The following STAG1 variants were observed in gnomAD, a reference collection of about 807,000 sequenced individuals.
STAG1 encodes cohesin subunit SA-1.
STAG1 carries 26 observed loss-of-function variants against 170.9 expected under a neutral mutation model. The ratio of observed to expected loss-of-function variants is 0.15; its 90% CI spans 0.11 to 0.21. STAG1 has a LOEUF of 0.21. Among genes scored for constraint, STAG1 ranks in the 10% least tolerant of loss-of-function variants. STAG1 has a pLI of 1.00. For missense variants in STAG1, 964 were observed against 1,509.5 expected, an observed-to-expected ratio of 0.64 and a Z score of 5.99; for synonymous variants, 514 against 497.7, an observed-to-expected ratio of 1.03 and a Z score of -0.44.
chr3:136,577,530 G>C (rs1230566758), intron 4 of STAG1, among the ~76,000 whole-genome samples: 1 of 152,148 alleles, frequency 6.6e-6, no homozygotes, highest in African/African-American at 2.4e-5. Context: ...ACCAGTGGAA[G>C]TAGCTTGCTT....
At chr3:136,746,855 CG>C (rs1934959650) in intron 1 of STAG1, among the ~76,000 whole-genome samples, 1 of 151,308 alleles carries the variant, frequency 6.6e-6, no homozygotes, top group Non-Finnish European at 1.5e-5. Flanking sequence ...CCAGCACTTT[CG>C]GAGGCCGAGG....
At chr3:136,521,469 G>T in intron 6 of STAG1, 52 bp from the exon 7 acceptor site, 1 of 1,539,136 alleles carries the variant, frequency 6.5e-7, no homozygotes, top group Non-Finnish European at 8.9e-7. Flanking sequence ...AGAGTTTGAT[G>T]AAAGCTTTTT....
chr3:136,738,669 A>T (rs909778768), intron 1 of STAG1, among the ~76,000 whole-genome samples: 1 of 152,176 alleles, frequency 6.6e-6, no homozygotes, highest in Non-Finnish European at 1.5e-5. Context: ...CTCCCCCAAA[A>T]AAAGTATACA....
chr3:136,668,867 C>T (rs1941896241), intron 1 of STAG1, among the ~76,000 whole-genome samples: 1 of 152,192 alleles, frequency 6.6e-6, no homozygotes, highest in African/African-American at 2.4e-5. Flanking sequence ...AAGCAAAACA[C>T]TTCCAGAACT....
chr3:136,647,754 G>A (rs1941082986), intron 1 of STAG1, among the ~76,000 whole-genome samples: 1 of 152,066 alleles, frequency 6.6e-6, no homozygotes, highest in African/African-American at 2.4e-5. Flanking sequence ...TCGTATACAT[G>A]TTAGGCACTA....
chr3:136,367,965 T>C (rs1359471746), intron 24 of STAG1, among the ~76,000 whole-genome samples: 2 of 152,192 alleles, frequency 1.3e-5, no homozygotes, highest in African/African-American at 4.8e-5. Context: ...TGTCCTGGCC[T>C]GTCCTTATTT....
intron 13 of STAG1, among the ~76,000 whole-genome samples, chr3:136,455,831 C>A (rs1485680481): frequency 6.6e-6 from 1 of 152,166 alleles, no homozygotes; most frequent in African/African-American, 2.4e-5. Context: ...TTAAGGATTT[C>A]CCAGGTTGGG....
chr3:136,678,282 TAG>T (rs930982511), intron 1 of STAG1, among the ~76,000 whole-genome samples: 41 of 151,580 alleles, frequency 2.7e-4, no homozygotes, highest in African/African-American at 8.7e-4. Flanking sequence ...CAGTGCATAT[TAG>T]ACTGTCACAG....
chr3:136,422,088 G>A (rs1391071021), intron 19 of STAG1, among the ~76,000 whole-genome samples: 8 of 150,756 alleles, frequency 5.3e-5, no homozygotes, highest in Admixed American at 1.3e-4. Context: ...CGGAGGTTGC[G>A]GTGAGCAACG....
intron 6 of STAG1, among the ~76,000 whole-genome samples, chr3:136,538,432 T>A (rs1465641045): frequency 1.3e-5 from 2 of 151,740 alleles, no homozygotes; most frequent in Non-Finnish European, 2.9e-5. Context: ...TTTTTTCTTT[T>A]TTGAGAGAGA....
intron 13 of STAG1, among the ~76,000 whole-genome samples, chr3:136,459,079 G>A (rs1405446260): frequency 1.3e-5 from 2 of 151,986 alleles, no homozygotes; most frequent in East Asian, 1.9e-4. Context: ...TTAGCCAGGC[G>A]TGGTGACACG....
At chr3:136,415,350 A>G (rs181093013) in intron 21 of STAG1, among the ~76,000 whole-genome samples, 2 of 152,338 alleles carry the variant, frequency 1.3e-5, no homozygotes, top group East Asian at 3.8e-4. Context: ...AGTCAAACAT[A>G]TAGCTAATAT....
At position 136,547,785 on chromosome 3, in the gene STAG1, C is replaced by A. The variant is rs573997133; in HGVS notation, c.395-5590G>T. Reference sequence around the variant, plus strand: ...TGGTGTTATTCCCATGAATTCATTGCCAAGACCAATGTCATGAAGCTCTTT... The same window carrying A: ...TGGTGTTATTCCCATGAATTCATTGACAAGACCAATGTCATGAAGCTCTTT... On this transcript the variant is annotated intron_variant, in intron 5 of 33. Coordinates refer to ENST00000383202, the MANE Select transcript of STAG1 (RefSeq NM_005862.3). Among the ~76,000 whole-genome samples the A allele has an allele frequency of 1.6e-4, 24 of 152,270 alleles. 1 individual carries two copies. Among genetic ancestry groups the A allele is most frequent in the Admixed American group, 4.6e-4 (7 of 15,292 alleles).
intron 24 of STAG1, 55 bp downstream of exon 24, chr3:136,369,053 T>C (rs898058105): frequency 1.5e-6 from 2 of 1,368,078 alleles, no homozygotes; most frequent in African/African-American, 1.5e-5. Context: ...TTTTCTCCTA[T>C]CTTTTGGGGT....
intron 1 of STAG1, among the ~76,000 whole-genome samples, chr3:136,646,026 A>C (rs1009202323): frequency 2.6e-5 from 4 of 152,186 alleles, no homozygotes; most frequent in African/African-American, 7.2e-5. Context: ...CACTTTAACC[A>C]ATATGACCTA....
intron 1 of STAG1, among the ~76,000 whole-genome samples, chr3:136,692,770 A>G (rs1483066034): frequency 3.3e-5 from 5 of 152,208 alleles, no homozygotes; most frequent in Non-Finnish European, 1.5e-5. Context: ...GGGCTGGTAA[A>G]AGGAATTATT....
intron 27 of STAG1, 93 bp downstream of exon 27, chr3:136,359,055 C>A (rs1280532746): frequency 9.6e-7 from 1 of 1,044,498 alleles, no homozygotes; most frequent in Non-Finnish European, 1.3e-6. Context: ...ACTTAAAATT[C>A]TATCGTCACT....
At chr3:136,410,433 T>C (rs1345395961) in intron 21 of STAG1, among the ~76,000 whole-genome samples, 1 of 151,548 alleles carries the variant, frequency 6.6e-6, no homozygotes, top group African/African-American at 2.4e-5. Flanking sequence ...AAGACCAACA[T>C]CAGAAGGCAA....
intron 15 of STAG1, among the ~76,000 whole-genome samples, chr3:136,437,247 T>C (rs2088486260): frequency 6.6e-6 from 1 of 152,232 alleles, no homozygotes; most frequent in Non-Finnish European, 1.5e-5. Context: ...TTCAATTCCA[T>C]CAATTTTGTT....
Sources: gnomAD v4.1 joint callset for allele counts (sites outside exome capture counted in the v4.1 genomes callset) on GRCh38, gnomAD v4.1.1 for gene constraint, MANE v1.5 for transcripts, NCBI Gene and HGNC (gene_info 2026-07-23, HGNC 2026-07-21) for gene names.